Variants in PLEKHG7 observed in about 807,000 individuals in gnomAD.
PLEKHG7 encodes the protein pleckstrin homology domain-containing family G member 7.
A neutral mutation model predicts 85.2 loss-of-function variants in PLEKHG7; 77 were observed. That is an observed-to-expected ratio of 0.90 (90% CI 0.75 to 1.09). The LOEUF (loss-of-function observed/expected upper bound fraction) is 1.09. Among genes scored for constraint, PLEKHG7 ranks in the 50% least tolerant of loss-of-function variants. The probability of loss-of-function intolerance (pLI) is 0.00; values close to 1 mark genes in which losing one functional copy is unlikely to be tolerated. For missense variants in PLEKHG7, 777 were observed against 804.3 expected, an observed-to-expected ratio of 0.97 and a Z score of 0.41; for synonymous variants, 301 against 302.4, an observed-to-expected ratio of 1.00 and a Z score of 0.05.
chr12:92,714,917 A>C (rs945879031), intron 3 of PLEKHG7, among the ~76,000 whole-genome samples: 2 of 152,070 alleles, frequency 1.3e-5, no homozygotes, highest in Non-Finnish European at 2.9e-5. Context: ...AAGCCCCAAA[A>C]CCAATGAAAG....
At chr12:92,739,040 TCAAAACAAAA>T (rs370392449) in intron 7 of PLEKHG7, among the ~76,000 whole-genome samples, 53 of 152,226 alleles carry the variant, frequency 3.5e-4, no homozygotes, top group Admixed American at 8.5e-4. Flanking sequence ...GATCAAGGGC[TCAAAACAAAA>T]CAAAACAAAA....
intron 9 of PLEKHG7, among the ~76,000 whole-genome samples, chr12:92,742,782 C>T (rs1872405540): frequency 6.6e-6 from 1 of 151,878 alleles, no homozygotes; most frequent in African/African-American, 2.4e-5. Flanking sequence ...GATGGGGTTT[C>T]ACCATGTTGG....
intron 15 of PLEKHG7, among the ~76,000 whole-genome samples, chr12:92,765,601 C>T (rs1873171918): frequency 6.6e-6 from 1 of 151,164 alleles, no homozygotes; most frequent in South Asian, 2.1e-4. Flanking sequence ...TGCACTTCAG[C>T]CTGGGCAACA....
intron 3 of PLEKHG7, among the ~76,000 whole-genome samples, chr12:92,714,113 C>A (rs1592673086): frequency 6.6e-6 from 1 of 152,172 alleles, no homozygotes; most frequent in Non-Finnish European, 1.5e-5. Context: ...GGACTTTAGT[C>A]CAGTTACAGG....
chr12:92,767,076 C>T (rs1049334552), intron 15 of PLEKHG7, among the ~76,000 whole-genome samples: 1 of 152,120 alleles, frequency 6.6e-6, no homozygotes, highest in Non-Finnish European at 1.5e-5. Flanking sequence ...GCTCTGTGAC[C>T]TTGGAAAAAT....
Position 92,767,932 on chromosome 12 carries a change from G to A in PLEKHG7, c.1871-1051G>A, listed in dbSNP as rs192834615. ...TATAGAAAGAATGTATAGGGCGGGCGCGGTGGCTCATGCCTATAATCCTAG... is the reference window on the plus strand; with the variant it reads ...TATAGAAAGAATGTATAGGGCGGGCACGGTGGCTCATGCCTATAATCCTAG... On this transcript the variant is annotated intron_variant, in intron 15 of 16. Coordinates refer to ENST00000344636, the MANE Select transcript of PLEKHG7 (RefSeq NM_001377329.1). Among the ~76,000 whole-genome samples the A allele has an allele frequency of 2.2e-3, 336 of 152,220 alleles. 3 individuals are homozygous for A. Among genetic ancestry groups the A allele is most frequent in the African/African-American group, 7.5e-3 (310 of 41,532 alleles).
intron 1 of PLEKHG7, among the ~76,000 whole-genome samples, chr12:92,705,182 G>A (rs1871198316): frequency 6.6e-6 from 1 of 152,146 alleles, no homozygotes; most frequent in Admixed American, 6.5e-5. Flanking sequence ...TTTGGTGTGG[G>A]AGTGAATATT....
intron 1 of PLEKHG7, among the ~76,000 whole-genome samples, chr12:92,705,007 A>C (rs1450561988): frequency 6.6e-6 from 1 of 152,248 alleles, no homozygotes; most frequent in African/African-American, 2.4e-5. Context: ...ACTGATAGGA[A>C]TAGATCTAAC....
At chr12:92,767,582 C>T (rs1017941885) in intron 15 of PLEKHG7, among the ~76,000 whole-genome samples, 1 of 151,880 alleles carries the variant, frequency 6.6e-6, no homozygotes, top group Non-Finnish European at 1.5e-5. Context: ...TATGGCCTCT[C>T]ATTAACAGAC....
chr12:92,769,972 T>C (rs951528666), intron 16 of PLEKHG7, 116 bp from the exon 17 acceptor site: 10 of 633,916 alleles, frequency 1.6e-5, no homozygotes, highest in Non-Finnish European at 2.7e-5. Context: ...TCATTAGTCT[T>C]CAGTTTTAAA....
intron 3 of PLEKHG7, among the ~76,000 whole-genome samples, chr12:92,724,977 G>A (rs549569562): frequency 8.9e-4 from 134 of 150,876 alleles, no homozygotes; most frequent in African/African-American, 2.8e-3. Flanking sequence ...AAAGTTTCCT[G>A]ATTAAAAAAA....
rs181124245 is a variant in PLEKHG7, at chr12:92,714,876, C to T, written c.530+7204C>T. On this transcript the variant is annotated intron_variant, in intron 3 of 16. Transcript: ENST00000344636. ...TAGAAGTAGAGTCCTTAGCATTTTT[C>T]GGTCTAATCATATGAAGCAGCCAAC... is the stretch of plus-strand genomic sequence containing the variant. Among the ~76,000 whole-genome samples the T allele has an allele frequency of 5.4e-4, 82 of 152,222 alleles. No homozygotes were observed. In the East Asian group the frequency reaches 0.014, roughly 27 times the overall value.
intron 7 of PLEKHG7, among the ~76,000 whole-genome samples, chr12:92,738,179 T>C (rs922093537): frequency 6.6e-6 from 1 of 152,240 alleles, no homozygotes; most frequent in Non-Finnish European, 1.5e-5. Flanking sequence ...ATATTCATGA[T>C]GTCTTTCATG....
intron 5 of PLEKHG7, among the ~76,000 whole-genome samples, chr12:92,734,436 C>G (rs977327135): frequency 2.0e-5 from 3 of 152,190 alleles, no homozygotes; most frequent in African/African-American, 7.2e-5. Flanking sequence ...TCAGTTAACA[C>G]ATGTGAACTC....
intron 3 of PLEKHG7, among the ~76,000 whole-genome samples, chr12:92,716,500 A>G (rs968827953): frequency 3.9e-5 from 6 of 152,190 alleles, no homozygotes; most frequent in South Asian, 4.1e-4. Context: ...TTTCTTTGTG[A>G]ACTCGTTCTT....
At chr12:92,721,610 C>T in intron 3 of PLEKHG7, 3 of 1,065,024 alleles carry the variant, frequency 2.8e-6, no homozygotes, top group Non-Finnish European at 3.5e-6. Flanking sequence ...CTCTAGAGAG[C>T]TGCAAAGTCT....
chr12:92,715,716 C>CAAAAAAAAAAAAAAAAAAAAAAAAAAAA (rs11331072), intron 3 of PLEKHG7, among the ~76,000 whole-genome samples: 1 of 87,460 alleles, frequency 1.1e-5, no homozygotes, highest in Non-Finnish European at 2.1e-5. Context: ...GTTCTTGCCT[C>CAAAAAAAAAAAAAAAAAAAAAAAAAAAA]AAAAAAAAAA....
At chr12:92,707,242 A>G in intron 2 of PLEKHG7, 104 bp downstream of exon 2, 1 of 1,461,492 alleles carries the variant, frequency 6.8e-7, no homozygotes, top group South Asian at 1.4e-5. Context: ...CCTAAAAAGG[A>G]GACAGCACAG....
At chr12:92,756,196 T>C (rs994648947) in intron 12 of PLEKHG7, 102 bp from the exon 13 acceptor site, 57 of 858,900 alleles carry the variant, frequency 6.6e-5, no homozygotes, top group Non-Finnish European at 9.2e-5. Context: ...CATTTCCAAA[T>C]GTCATGAACT....
Sources: gnomAD v4.1 joint callset for allele counts (sites outside exome capture counted in the v4.1 genomes callset) on GRCh38, gnomAD v4.1.1 for gene constraint, MANE v1.5 for transcripts, NCBI Gene and HGNC (gene_info 2026-07-23, HGNC 2026-07-21) for gene names.